The following NPR1 variants were observed in gnomAD, a reference collection of about 807,000 sequenced individuals.
NPR1 encodes the protein atrial natriuretic peptide receptor 1.
NPR1 carries 57 observed loss-of-function variants against 116.9 expected under a neutral mutation model. The ratio of observed to expected loss-of-function variants is 0.49; its 90% confidence interval spans 0.39 to 0.61. NPR1 has a LOEUF of 0.61. Ranked by LOEUF, NPR1 falls within the 20% of genes least tolerant of loss-of-function variation. The pLI is 0.00. For synonymous variants in NPR1, 555 were observed against 601.6 expected, an observed-to-expected ratio of 0.92 and a Z score of 1.13; for missense variants, 1,096 against 1,409.8, an observed-to-expected ratio of 0.78 and a Z score of 3.56.
intron 20 of NPR1, among the ~76,000 whole-genome samples, chr1:153,690,883 C>T (rs1449739294): frequency 2.2e-5 from 3 of 137,974 alleles, no homozygotes; most frequent in African/African-American, 8.3e-5. Context: ...GCAGAGGTTG[C>T]GATGAGCCAA....
At chr1:153,680,140 C>T (rs987431825) in intron 1 of NPR1, among the ~76,000 whole-genome samples, 5 of 150,970 alleles carry the variant, frequency 3.3e-5, no homozygotes, top group African/African-American at 1.2e-4. Context: ...CTTCTCCCTT[C>T]TTTCATCCTC....
intron 10 of NPR1, 110 bp downstream of exon 10, chr1:153,686,310 G>C: frequency 1.9e-6 from 2 of 1,052,020 alleles, no homozygotes; most frequent in Non-Finnish European, 2.9e-6. Flanking sequence ...CAAGAAAGGG[G>C]CAGGGACTGG....
intron 8 of NPR1, 129 bp downstream of exon 8, chr1:153,685,213 G>C: frequency 8.0e-7 from 1 of 1,252,864 alleles, no homozygotes; most frequent in East Asian, 2.5e-5. Context: ...GTGACCTTGA[G>C]CGACTCATAG....
At position 153,689,707 on chromosome 1, in the gene NPR1, A is replaced by T. The variant is rs1031093613; in HGVS notation, c.2758-99A>T. 7.5e-7 allele frequency: 1 copy of T among 1,336,322 alleles called. No individual in the cohort carries two copies. The highest frequency in any genetic ancestry group is 1.5e-5 in the African/African-American group (1 of 68,862). The allele number at this position is 1,336,322 out of a possible 1,614,324, so 82.8% of individuals were successfully genotyped here. ...TGGGATGGGGGATGAGCAAAGACAG[A>T]TGAGGGTACAGAATGACAGACGCTG... On this transcript the variant is annotated intron_variant, in intron 18 of 21. Transcript: ENST00000368680. The surrounding 1 kb of genome is among the most constrained non-coding windows in gnomAD (Gnocchi z 5.1).
Position 153,678,898 on chromosome 1 carries a change from GC to G in NPR1, c.-208del. On this transcript the variant is annotated 5_prime_UTR_variant, in exon 1 of 22. Coordinates refer to ENST00000368680, the MANE Select transcript of NPR1 (RefSeq NM_000906.4). This position sits in a 1 kb window ranked among gnomAD's most constrained non-coding sequence, Gnocchi z 5.8. ...TCCTGGCACCCACCTGCTCCGCGGCGCCCTGCGCGCCCCCCTCGGTCGCGCC... is the reference window on the plus strand; with the variant it reads ...TCCTGGCACCCACCTGCTCCGCGGCGCCTGCGCGCCCCCCTCGGTCGCGCC... The G allele has an allele frequency of 3.5e-6, 2 of 573,538 alleles. No homozygotes were observed. The highest frequency in any genetic ancestry group is 3.3e-5 in the South Asian group (1 of 29,860). The allele number at this position is 573,538 out of a possible 1,614,324, so 35.5% of individuals were successfully genotyped here.
rs1041435704 is a variant in NPR1 at position 153,681,252 on chromosome 1, C to G, written c.994C>G (p.Leu332Val). Residue 332 changes from leucine (L) to valine (V), a missense_variant, in exon 3 of 22, where the codon CTG (leucine) becomes GTG (valine). Coordinates refer to ENST00000368680, the MANE Select transcript of NPR1 (RefSeq NM_000906.4). ...GGAATTCCTGAAGCAGTTAAAACAC[C>G]TGGCCTATGAGCAGTTCAACTTCAC... ...YLEFLKQLKH[L>V]AYEQFNFTME... The G allele has an allele frequency of 1.2e-6, 2 of 1,613,404 alleles. No individual in the cohort carries two copies. The highest frequency in any genetic ancestry group is 8.5e-7 in the Non-Finnish European group (1 of 1,179,476).
Position 153,687,784 on chromosome 1 carries a change from C to A in NPR1, c.2243C>A (p.Pro748His). ...CACGTGGAAGGTTTGGACCTGAGCC[C>A]CAAAGGTGAGAGGAGCACACCTTCC... ...VFHVEGLDLS[P>H]KEIIERVTRG... is the part of the protein sequence containing the mutation. The change falls in exon 14 of 22, where the codon CCC (proline) becomes CAC (histidine). Residue 748 changes from proline (P) to histidine (H), a missense_variant. Transcript: ENST00000368680. 6.3e-7 allele frequency: 1 copy of A among 1,584,054 alleles called. No homozygotes were observed.
chr1:153,686,823 C>T, intron 11 of NPR1, 73 bp downstream of exon 11: 6 of 1,416,812 alleles, frequency 4.2e-6, no homozygotes, highest in Non-Finnish European at 5.9e-6. Context: ...CATAAGACCC[C>T]AGGCATGCCT....
At position 153,693,947 on chromosome 1, in the gene NPR1, T is replaced by C. The variant is rs1003182129; in HGVS notation, c.*533T>C. The C allele has an allele frequency of 7.6e-6, 3 of 396,852 alleles. No homozygotes were observed. Among genetic ancestry groups the C allele is most frequent in the African/African-American group, 6.2e-5 (3 of 48,602 alleles). 24.6% of individuals were successfully genotyped at this position (396,852 alleles called of 1,614,324 possible). A position where few individuals can be genotyped will look rare whatever the true frequency, so the allele number is the denominator to read the frequency against. Reference sequence around the variant, plus strand: ...CAGAAGGGTTGGGGGCCTGTATGCCTTGCTTCTACCATGAGCAGAGACAAT... The same window carrying C: ...CAGAAGGGTTGGGGGCCTGTATGCCCTGCTTCTACCATGAGCAGAGACAAT... On this transcript the variant is annotated 3_prime_UTR_variant, in exon 22 of 22. Coordinates refer to ENST00000368680, the MANE Select transcript of NPR1 (RefSeq NM_000906.4).
chr1:153,686,958 T>A, intron 11 of NPR1, 58 bp from the exon 12 acceptor site: 3 of 1,566,864 alleles, frequency 1.9e-6, no homozygotes, highest in Non-Finnish European at 2.6e-6. Flanking sequence ...CCCTGCACCC[T>A]CCTCCAACTC....
chr1:153,685,147 C>A lies in NPR1; in HGVS notation c.1605+63C>A, dbSNP rs562067579. The A allele has an allele frequency of 3.2e-4, 512 of 1,587,812 alleles. 1 individual carries two copies. In the South Asian group the frequency reaches 5.4e-3, roughly 17 times the overall value. On this transcript the variant is annotated intron_variant, in intron 8 of 21. Transcript: ENST00000368680. The stretch of plus-strand genomic sequence containing the variant: ...GAGAGGTGGGTACAAGGGGCAGTGC[C>A]TGAGGGATAGGTAAGGGAGCAGGAT...
chr1:153,678,880 AC>A lies in NPR1; in HGVS notation c.-226del, dbSNP rs1202752981. 2.0e-6 allele frequency: 1 copy of A among 507,378 alleles called. No homozygotes were observed. Among genetic ancestry groups the A allele is most frequent in the East Asian group, 3.5e-5 (1 of 28,314 alleles). The allele number at this position is 507,378 out of a possible 1,614,324, so 31.4% of individuals were successfully genotyped here. ...CTCTCCAGCCCGACGTTCTCCTGGC[AC>A]CCACCTGCTCCGCGGCGCCCTGCGC... On this transcript the variant is annotated 5_prime_UTR_variant, in exon 1 of 22. Coordinates refer to ENST00000368680, the MANE Select transcript of NPR1 (RefSeq NM_000906.4). This position sits in a 1 kb window ranked among gnomAD's most constrained non-coding sequence, Gnocchi z 5.8.
chr1:153,682,634 C>A, intron 5 of NPR1, 45 bp downstream of exon 5: 1 of 1,415,028 alleles, frequency 7.1e-7, no homozygotes, highest in Non-Finnish European at 1.0e-6. Flanking sequence ...CAAATGACAT[C>A]TCACCCTCCT....
intron 5 of NPR1, among the ~76,000 whole-genome samples, chr1:153,683,107 A>G (rs1332793381): frequency 2.0e-5 from 3 of 152,202 alleles, no homozygotes; most frequent in African/African-American, 7.2e-5. Context: ...AACCAAGATT[A>G]TAAACTCCCT....
rs770460501 is a variant in NPR1 at position 153,688,934 on chromosome 1, C to T, written c.2418-19C>T. ...GCTGCTCCTCTCTTACCACCCCCAC[C>T]GCCACCCTCTGCCCCCAGGGAGAAC... On this transcript the variant is annotated intron_variant, in intron 15 of 21. Transcript: ENST00000368680. The T allele has an allele frequency of 1.2e-5, 20 of 1,613,684 alleles. No individual in the cohort carries two copies. The highest frequency in any genetic ancestry group is 5.3e-5 in the African/African-American group (4 of 74,936).
At chr1:153,686,085 C>G in intron 9 of NPR1, 38 bp from the exon 10 acceptor site, 1 of 1,599,660 alleles carries the variant, frequency 6.3e-7, no homozygotes, top group Non-Finnish European at 8.6e-7. Context: ...GACATGGGAC[C>G]ATGCTCTTCA....
rs891868440 is a variant in NPR1, at chr1:153,679,128, C to A, written c.20C>A (p.Pro7His). 1.5e-5 allele frequency: 21 copies of A among 1,438,326 alleles called. No individual in the cohort carries two copies. The highest frequency in any genetic ancestry group is 1.8e-5 in the Non-Finnish European group (20 of 1,106,954). The allele number at this position is 1,438,326 out of a possible 1,614,324, so 89.1% of individuals were successfully genotyped here. A position where few individuals can be genotyped will look rare whatever the true frequency, so the allele number is the denominator to read the frequency against. Residue 7 changes from proline (P) to histidine (H), a missense_variant, in exon 1 of 22, where the codon CCC (proline) becomes CAC (histidine). Pro to His is a moderately conservative substitution (Grantham distance 77, BLOSUM62 -2). Transcript: ENST00000368680. The surrounding 1 kb of genome is among the most constrained non-coding windows in gnomAD (Gnocchi z 4.2). MPGPRR[P>H]AGSRLRLLLL... ...GAGGCCATGCCGGGGCCCCGGCGCC[C>A]CGCTGGCTCCCGCCTGCGCCTGCTC... is the stretch of plus-strand genomic sequence containing the variant.
At chr1:153,687,393 G>C (rs374775343) in intron 13 of NPR1, 37 bp downstream of exon 13, 186 of 1,607,602 alleles carry the variant, frequency 1.2e-4, no homozygotes, top group Non-Finnish European at 1.2e-4. Context: ...CCTGCCCCCA[G>C]CACCACCCAG....
chr1:153,679,833 A>G lies in NPR1; in HGVS notation c.721+4A>G, dbSNP rs921725533. ...ACCATGCCGCGCAAAGGCCGAGGTG[A>G]GACGCTGGCACACCCCGTCCCGCCG... is the stretch of plus-strand genomic sequence containing the variant. On this transcript the variant is annotated splice_donor_region_variant and intron_variant, in intron 1 of 21. Transcript: ENST00000368680. This position sits in a 1 kb window ranked among gnomAD's most constrained non-coding sequence, Gnocchi z 4.2. 7.2e-6 allele frequency: 11 copies of G among 1,537,666 alleles called. No homozygotes were observed. The Admixed American group carries it at 2.2e-4, about 30-fold the overall frequency.
Sources: gnomAD v4.1 joint callset for allele counts (sites outside exome capture counted in the v4.1 genomes callset) on GRCh38, gnomAD v4.1.1 for gene constraint, Gnocchi (gnomAD v3.1) non-coding constraint, MANE v1.5 for transcripts, NCBI Gene and HGNC (gene_info 2026-07-23, HGNC 2026-07-21) for gene names.